Variants in AGPS observed in about 807,000 individuals in gnomAD.
AGPS encodes the protein alkylglycerone phosphate synthase.
AGPS carries 26 observed loss-of-function variants against 90.7 expected under a neutral mutation model. That is an observed-to-expected ratio of 0.29 (90% CI 0.21 to 0.40). The LOEUF (loss-of-function observed/expected upper bound fraction) is 0.40, where lower values mean the gene tolerates loss of function less well. Among genes scored for constraint, AGPS ranks in the 10% least tolerant of loss-of-function variants. The probability of loss-of-function intolerance (pLI) is 1.00; values close to 1 mark genes in which losing one functional copy is unlikely to be tolerated. For synonymous variants in AGPS, 294 were observed against 285.3 expected, an observed-to-expected ratio of 1.03 and a Z score of -0.31; for missense variants, 540 against 816.1, an observed-to-expected ratio of 0.66 and a Z score of 4.12.
At chr2:177,459,656 A>C (rs1319332150) in intron 8 of AGPS, among the ~76,000 whole-genome samples, 1 of 152,246 alleles carries the variant, frequency 6.6e-6, no homozygotes, top group African/African-American at 2.4e-5. Flanking sequence ...ATCATTAAAA[A>C]ATCAAGAAAC....
intron 14 of AGPS, among the ~76,000 whole-genome samples, 156 bp from the exon 15 acceptor site, chr2:177,505,350 C>G (rs1312566573): frequency 1.3e-5 from 2 of 151,738 alleles, no homozygotes. Flanking sequence ...AATTTTATTT[C>G]GTGGATAAAA....
In AGPS at chr2:177,542,365, C is replaced by T. The variant is rs1645979381; in HGVS notation, c.*4170C>T. Reference sequence around the variant, plus strand: ...ACTCCCTTTTGAACCTTGGAAGATCCTCAAAGAGTGAGCACTCTTGTGCTC... The same window carrying T: ...ACTCCCTTTTGAACCTTGGAAGATCTTCAAAGAGTGAGCACTCTTGTGCTC... On this transcript the variant is annotated 3_prime_UTR_variant, in exon 20 of 20. Transcript: ENST00000264167. The T allele has an allele frequency of 6.6e-6, 1 of 152,084 alleles. No individual in the cohort carries two copies. Among genetic ancestry groups the T allele is most frequent in the South Asian group, 2.1e-4 (1 of 4,826 alleles). 9.4% of individuals were successfully genotyped at this position (152,084 alleles called of 1,614,324 possible). A position where few individuals can be genotyped will look rare whatever the true frequency, so the allele number is the denominator to read the frequency against.
chr2:177,460,541 C>T (rs976456677), intron 8 of AGPS, among the ~76,000 whole-genome samples: 4 of 152,172 alleles, frequency 2.6e-5, no homozygotes, highest in Non-Finnish European at 5.9e-5. Flanking sequence ...GTATGTGAAA[C>T]CTCTCTTTTC....
intron 2 of AGPS, among the ~76,000 whole-genome samples, chr2:177,425,039 T>A (rs1686038957): frequency 6.6e-6 from 1 of 152,222 alleles, no homozygotes; most frequent in African/African-American, 2.4e-5. Context: ...CTGTTCACTC[T>A]GATGATAGTT....
Position 177,541,071 on chromosome 2 carries a change from A to G in AGPS, c.*2876A>G, listed in dbSNP as rs905515446. Reference sequence around the variant, plus strand: ...TAAGGAAGTAGGAGTTTTCTTCCTAAAAGTGCTTACATATTGTAGTACTAT... The same window carrying G: ...TAAGGAAGTAGGAGTTTTCTTCCTAGAAGTGCTTACATATTGTAGTACTAT... On this transcript the variant is annotated 3_prime_UTR_variant, in exon 20 of 20. Coordinates refer to ENST00000264167, the MANE Select transcript of AGPS (RefSeq NM_003659.4). The G allele has an allele frequency of 4.6e-5, 7 of 152,160 alleles. No homozygotes were observed. The highest frequency in any genetic ancestry group is 1.9e-4 in the East Asian group (1 of 5,200). The allele number at this position is 152,160 out of a possible 1,614,324, so 9.4% of individuals were successfully genotyped here. A position where few individuals can be genotyped will look rare whatever the true frequency, so the allele number is the denominator to read the frequency against.
intron 13 of AGPS, 30 bp downstream of exon 13, chr2:177,497,795 T>G (rs1159172368): frequency 8.2e-7 from 1 of 1,221,024 alleles, no homozygotes; most frequent in African/African-American, 1.5e-5. Context: ...GCTAAAATTG[T>G]AAATGCTTAA....
intron 19 of AGPS, among the ~76,000 whole-genome samples, chr2:177,533,568 G>C (rs1320047897): frequency 1.3e-5 from 2 of 152,160 alleles, no homozygotes; most frequent in Non-Finnish European, 2.9e-5. Context: ...GATCTCTAAA[G>C]AGAACTTTTT....
At chr2:177,440,928 G>A (rs775491069) in intron 5 of AGPS, 37 bp from the exon 6 acceptor site, 34 of 1,539,996 alleles carry the variant, frequency 2.2e-5, no homozygotes, top group Non-Finnish European at 2.9e-5. Context: ...TTTTATTTAT[G>A]CCTCTGTAAT....
chr2:177,412,041 G>T (rs1430546881), intron 1 of AGPS, among the ~76,000 whole-genome samples: 1 of 152,162 alleles, frequency 6.6e-6, no homozygotes, highest in Non-Finnish European at 1.5e-5. Flanking sequence ...GGAGGGACAC[G>T]AGGGACAAGA....
intron 8 of AGPS, among the ~76,000 whole-genome samples, chr2:177,453,540 G>T (rs1574379854): frequency 6.6e-6 from 1 of 152,042 alleles, no homozygotes; most frequent in East Asian, 1.9e-4. Context: ...AAAATGCTGG[G>T]ATTATAGGCA....
At chr2:177,475,562 A>C (rs964952299) in intron 10 of AGPS, among the ~76,000 whole-genome samples, 1 of 152,162 alleles carries the variant, frequency 6.6e-6, no homozygotes, top group Admixed American at 6.5e-5. Context: ...GAATTATATA[A>C]TATGTAATCT....
At chr2:177,500,453 C>T (rs1408491903) in intron 14 of AGPS, among the ~76,000 whole-genome samples, 1 of 151,688 alleles carries the variant, frequency 6.6e-6, no homozygotes, top group East Asian at 1.9e-4. Context: ...AATATTAGTT[C>T]TTTGTAAATA....
At chr2:177,526,665 A>G (rs1022520870) in intron 19 of AGPS, among the ~76,000 whole-genome samples, 8 of 152,202 alleles carry the variant, frequency 5.3e-5, no homozygotes, top group Admixed American at 5.2e-4. Flanking sequence ...TACCATTTCA[A>G]AAGCTACTGA....
intron 1 of AGPS, among the ~76,000 whole-genome samples, chr2:177,399,448 A>G (rs1685272120): frequency 6.6e-6 from 1 of 152,166 alleles, no homozygotes; most frequent in Non-Finnish European, 1.5e-5. Context: ...CTGGGCTCAG[A>G]ATCAACTGAG....
chr2:177,468,540 A>G lies in AGPS; in HGVS notation c.1105+16A>G. 6.4e-7 allele frequency: 1 copy of G among 1,551,670 alleles called. No homozygotes were observed. On this transcript the variant is annotated intron_variant, in intron 10 of 19. Coordinates refer to ENST00000264167, the MANE Select transcript of AGPS (RefSeq NM_003659.4). ...GGATCTGAAGGTAAATATAACTGTA[A>G]ATTTATTAAGAAAAAATACAGGTTA...
intron 14 of AGPS, among the ~76,000 whole-genome samples, chr2:177,501,824 C>T (rs188483303): frequency 4.6e-5 from 7 of 152,172 alleles, no homozygotes; most frequent in Admixed American, 3.3e-4. Flanking sequence ...CATGCCACCA[C>T]GCCTGGCTAA....
intron 1 of AGPS, among the ~76,000 whole-genome samples, chr2:177,407,862 T>C (rs1415960970): frequency 6.6e-6 from 1 of 151,030 alleles, no homozygotes; most frequent in African/African-American, 2.4e-5. Context: ...TGTAGTGGTG[T>C]GATCATAGCT....
intron 14 of AGPS, among the ~76,000 whole-genome samples, chr2:177,501,814 C>T (rs1390483898): frequency 6.6e-6 from 1 of 152,076 alleles, no homozygotes; most frequent in African/African-American, 2.4e-5. Flanking sequence ...ATTACAGGCT[C>T]ATGCCACCAC....
At position 177,482,198 on chromosome 2, in the gene AGPS, A is replaced by T. The variant is rs759104735; in HGVS notation, c.1233+12A>T. 78 of 1,385,578 alleles carry T rather than the reference A, an allele frequency of 5.6e-5. No homozygotes were observed. Among genetic ancestry groups the T allele is most frequent in the Non-Finnish European group, 7.0e-5 (70 of 1,004,750 alleles). 85.8% of individuals were successfully genotyped at this position (1,385,578 alleles called of 1,614,324 possible). A position where few individuals can be genotyped will look rare whatever the true frequency, so the allele number is the denominator to read the frequency against. Reference sequence around the variant, plus strand: ...AAATTGCAAAACAGGTAAAAGAAAAAATATATATATATACATACATACATA... The same window carrying T: ...AAATTGCAAAACAGGTAAAAGAAAATATATATATATATACATACATACATA... On this transcript the variant is annotated intron_variant, in intron 11 of 19. Transcript: ENST00000264167.
Sources: gnomAD v4.1 joint callset for allele counts (sites outside exome capture counted in the v4.1 genomes callset) on GRCh38, gnomAD v4.1.1 for gene constraint, MANE v1.5 for transcripts, NCBI Gene and HGNC (gene_info 2026-07-23, HGNC 2026-07-21) for gene names.